Variants in ADAMTS17 observed in about 807,000 individuals in gnomAD.
ADAMTS17 encodes the protein ADAM metallopeptidase with thrombospondin type 1 motif 17.
Under a neutral mutation model 141.5 loss-of-function variants are expected in ADAMTS17, and 113 were observed. The ratio of observed to expected loss-of-function variants is 0.80; its 90% confidence interval spans 0.69 to 0.93. The LOEUF is 0.93. Among genes scored for constraint, ADAMTS17 ranks in the 40% least tolerant of loss-of-function variants. The pLI is 0.00. For missense variants in ADAMTS17, 1,659 were observed against 1,517.9 expected (o/e 1.09, Z -1.54); for synonymous variants, 768 against 630.6 (o/e 1.22, Z -3.27).
intron 6 of ADAMTS17, among the ~76,000 whole-genome samples, chr15:100,254,785 G>C (rs1426695735): frequency 6.6e-6 from 1 of 152,208 alleles, no homozygotes; most frequent in Non-Finnish European, 1.5e-5. Context: ...GTAAGTGGGA[G>C]CTGAATGATG....
chr15:100,090,173 C>A (rs2035366748), intron 15 of ADAMTS17, among the ~76,000 whole-genome samples: 3 of 152,076 alleles, frequency 2.0e-5, no homozygotes, highest in African/African-American at 7.2e-5. Context: ...GGAGTTTCAA[C>A]TGTGATTGGA....
chr15:100,217,272 T>A (rs2041997773), intron 7 of ADAMTS17, among the ~76,000 whole-genome samples: 1 of 152,168 alleles, frequency 6.6e-6, no homozygotes, highest in African/African-American at 2.4e-5. Context: ...GACCCCTACT[T>A]CGCATCATAC....
At chr15:100,176,960 T>C (rs1440282953) in intron 8 of ADAMTS17, among the ~76,000 whole-genome samples, 3 of 152,260 alleles carry the variant, frequency 2.0e-5, no homozygotes, top group Admixed American at 1.3e-4. Flanking sequence ...TTCATTTTTA[T>C]TGCTAGGTGG....
intron 8 of ADAMTS17, among the ~76,000 whole-genome samples, chr15:100,167,186 T>C (rs533680439): frequency 6.6e-6 from 1 of 152,304 alleles, no homozygotes; most frequent in South Asian, 2.1e-4. Context: ...ATTGGCTAAC[T>C]TGAGGTGGGA....
chr15:100,099,898 C>A (rs8042396), intron 14 of ADAMTS17, among the ~76,000 whole-genome samples: 4 of 151,826 alleles, frequency 2.6e-5, no homozygotes, highest in African/African-American at 9.7e-5. Flanking sequence ...TGGACAGTGG[C>A]AAATGTCCAT....
rs566818749 is a variant in ADAMTS17, at chr15:100,332,085, G to A, written c.451-1031C>T. ...ATCTTGCGTCCCCAAGATACAGGGTGAGGCCATACTTACCGCTCTAAGCAT... is the reference window on the plus strand; with the variant it reads ...ATCTTGCGTCCCCAAGATACAGGGTAAGGCCATACTTACCGCTCTAAGCAT... On this transcript the variant is annotated intron_variant, in intron 2 of 21. Coordinates refer to ENST00000268070, the MANE Select transcript of ADAMTS17 (RefSeq NM_139057.4). 7.2e-4 allele frequency among the ~76,000 whole-genome samples: 110 copies of A among 152,286 alleles called. 1 individual carries two copies. The highest frequency in any genetic ancestry group is 3.4e-3 in the Middle Eastern group (1 of 294).
At chr15:100,179,370 G>A (rs987743730) in intron 8 of ADAMTS17, among the ~76,000 whole-genome samples, 1 of 152,124 alleles carries the variant, frequency 6.6e-6, no homozygotes, top group Non-Finnish European at 1.5e-5. Flanking sequence ...TTCCATCCAC[G>A]TTGTTGCAAG....
intron 7 of ADAMTS17, among the ~76,000 whole-genome samples, chr15:100,242,126 CA>C: frequency 6.6e-6 from 1 of 152,290 alleles, no homozygotes; most frequent in South Asian, 2.1e-4. Context: ...ACGCAAGCTA[CA>C]AACAAACATT....
At chr15:100,021,258 C>T (rs1180532179) in intron 18 of ADAMTS17, among the ~76,000 whole-genome samples, 2 of 152,144 alleles carry the variant, frequency 1.3e-5, no homozygotes, top group African/African-American at 4.8e-5. Context: ...CTGCTAGTCC[C>T]CATCACTGAA....
intron 7 of ADAMTS17, among the ~76,000 whole-genome samples, chr15:100,239,549 G>A (rs932099129): frequency 1.1e-4 from 16 of 152,324 alleles, no homozygotes; most frequent in African/African-American, 3.8e-4. Flanking sequence ...AGCAAGAAGA[G>A]GCTACCCTTT....
At chr15:100,330,001 A>G (rs760488094) in intron 3 of ADAMTS17, among the ~76,000 whole-genome samples, 82 of 152,320 alleles carry the variant, frequency 5.4e-4, no homozygotes, top group Admixed American at 1.2e-3. Context: ...TAAACTACAG[A>G]AGCACAACCC....
At chr15:100,070,796 A>T (rs1470940044) in intron 15 of ADAMTS17, among the ~76,000 whole-genome samples, 7 of 149,724 alleles carry the variant, frequency 4.7e-5, no homozygotes, top group African/African-American at 1.7e-4. Flanking sequence ...AGCAGGAAAG[A>T]TCTAAAATTG....
intron 15 of ADAMTS17, among the ~76,000 whole-genome samples, chr15:100,055,743 T>C (rs1567096804): frequency 6.6e-6 from 1 of 152,226 alleles, no homozygotes; most frequent in Admixed American, 6.5e-5. Flanking sequence ...CTCTCCTTTT[T>C]CTCTTCTTCT....
Position 100,111,290 on chromosome 15 carries a change from TC to T in ADAMTS17, c.1889-2175del, listed in dbSNP as rs551648604. Among the ~76,000 whole-genome samples the T allele has an allele frequency of 1.2e-3, 183 of 152,204 alleles. 1 individual carries two copies. The highest frequency in any genetic ancestry group is 3.9e-3 in the African/African-American group (164 of 41,536). On this transcript the variant is annotated intron_variant, in intron 13 of 21. Transcript: ENST00000268070. ...CCAGGGTGAGGCCACATGTTTCAGG[TC>T]TGATGGGAGCTGTCGGAGGGCTGGG...
chr15:100,340,686 T>C (rs991859012), intron 2 of ADAMTS17, among the ~76,000 whole-genome samples: 47 of 152,226 alleles, frequency 3.1e-4, no homozygotes, highest in African/African-American at 1.1e-3. Context: ...GCAGATGCAG[T>C]GTTCTCTACA....
At chr15:100,173,911 T>A (rs1330358411) in intron 8 of ADAMTS17, among the ~76,000 whole-genome samples, 1 of 152,108 alleles carries the variant, frequency 6.6e-6, no homozygotes, top group Non-Finnish European at 1.5e-5. Flanking sequence ...AGGCCAAACA[T>A]CACCACTAGA....
At chr15:100,086,638 CAA>C (rs2035120347) in intron 15 of ADAMTS17, among the ~76,000 whole-genome samples, 1 of 152,044 alleles carries the variant, frequency 6.6e-6, no homozygotes, top group Admixed American at 6.6e-5. Flanking sequence ...GAAATTATAA[CAA>C]ATTGTTTCTC....
intron 10 of ADAMTS17, among the ~76,000 whole-genome samples, chr15:100,149,679 G>A (rs1266210569): frequency 6.6e-6 from 1 of 152,128 alleles, no homozygotes; most frequent in African/African-American, 2.4e-5. Flanking sequence ...AGCCAAAAGG[G>A]GAATAACACA....
chr15:99,995,113 C>T (rs1271600685), intron 19 of ADAMTS17, among the ~76,000 whole-genome samples: 2 of 152,188 alleles, frequency 1.3e-5, no homozygotes, highest in Non-Finnish European at 2.9e-5. Flanking sequence ...GTGGACTTTA[C>T]ATGCAGGAGC....
Sources: gnomAD v4.1 joint callset for allele counts (sites outside exome capture counted in the v4.1 genomes callset) on GRCh38, gnomAD v4.1.1 for gene constraint, MANE v1.5 for transcripts, NCBI Gene and HGNC (gene_info 2026-07-23, HGNC 2026-07-21) for gene names.